The following ERLIN2 variants were observed in gnomAD, a reference collection of about 807,000 sequenced individuals.
The protein encoded by ERLIN2 is ER lipid raft associated 2.
ERLIN2 carries 22 observed loss-of-function variants against 41.5 expected under a neutral mutation model. That is an observed-to-expected ratio of 0.53 (90% CI 0.38 to 0.76). The LOEUF is 0.76. Ranked by LOEUF, ERLIN2 falls within the 30% of genes least tolerant of loss-of-function variation. The pLI, the probability that ERLIN2 is intolerant of heterozygous loss-of-function variation, is 0.00. For missense variants in ERLIN2, 247 were observed against 414.3 expected (o/e 0.60, Z 3.51); for synonymous variants, 149 against 150.9 (o/e 0.99, Z 0.09).
At position 37,754,488 on chromosome 8, in the gene ERLIN2, AG is replaced by A. The variant is rs1357951889; in HGVS notation, c.*374del. The A allele has an allele frequency of 3.0e-6, 1 of 334,204 alleles. No individual in the cohort carries two copies. The highest frequency in any genetic ancestry group is 2.1e-5 in the African/African-American group (1 of 46,620). 20.7% of individuals were successfully genotyped at this position (334,204 alleles called of 1,614,324 possible). ...TGATTTCCCTTACTTGGGAAAATGCAGTCCAGTGTTCTCACCTCTGCCTCCA... is the reference window on the plus strand; with the variant it reads ...TGATTTCCCTTACTTGGGAAAATGCATCCAGTGTTCTCACCTCTGCCTCCA... On this transcript the variant is annotated 3_prime_UTR_variant, in exon 12 of 12. Transcript: ENST00000519638.
chr8:37,745,002 C>T, intron 6 of ERLIN2: 1 of 602,310 alleles, frequency 1.7e-6, no homozygotes, highest in Non-Finnish European at 2.9e-6. Context: ...AACTATCATT[C>T]TATAATGAAG....
chr8:37,750,245 G>C (rs1803187246), intron 8 of ERLIN2, 150 bp from the exon 9 acceptor site: 1 of 696,290 alleles, frequency 1.4e-6, no homozygotes, highest in Admixed American at 2.1e-5. Flanking sequence ...GTCAACAACA[G>C]ATCAGCTTTT....
At position 37,743,142 on chromosome 8, in the gene ERLIN2, G is replaced by T. The variant is rs866120611; in HGVS notation, c.237-1213G>T. Among the ~76,000 whole-genome samples, 4 of 152,358 alleles carry T rather than the reference G, an allele frequency of 2.6e-5. No individual in the cohort carries two copies. In the South Asian group the frequency reaches 8.3e-4, roughly 32 times the overall value. ...AGTGGTTGTATTTAGAGGGATGCTGGATTGGACAGAGACTTACAAGAAACA... is the reference window on the plus strand; with the variant it reads ...AGTGGTTGTATTTAGAGGGATGCTGTATTGGACAGAGACTTACAAGAAACA... On this transcript the variant is annotated intron_variant, in intron 4 of 11. Coordinates refer to ENST00000519638, the MANE Select transcript of ERLIN2 (RefSeq NM_007175.8).
chr8:37,745,856 TCAAA>T, intron 6 of ERLIN2: 1 of 1,326,234 alleles, frequency 7.5e-7, no homozygotes, highest in South Asian at 2.0e-5. Context: ...CTTTTTAACC[TCAAA>T]CTAATAGAAT....
intron 6 of ERLIN2, 37 bp from the exon 7 acceptor site, chr8:37,749,522 T>TA (rs780695719): frequency 1.4e-5 from 20 of 1,480,818 alleles, no homozygotes; most frequent in Non-Finnish European, 1.8e-5. Flanking sequence ...CTAGAAAGTG[T>TA]AACAACTCCT....
intron 9 of ERLIN2, 92 bp from the exon 10 acceptor site, chr8:37,751,534 G>C (rs758725457): frequency 6.5e-6 from 7 of 1,080,816 alleles, no homozygotes; most frequent in Non-Finnish European, 9.9e-6. Context: ...CTCCAGACAA[G>C]CTGGCCCACC....
In ERLIN2 at chr8:37,754,436, A is replaced by G. The variant is rs1387295949; in HGVS notation, c.*321A>G. 1 of 375,920 alleles carries G rather than the reference A, an allele frequency of 2.7e-6. No homozygotes were observed. The highest frequency in any genetic ancestry group is 5.1e-6 in the Non-Finnish European group (1 of 196,286). The allele number at this position is 375,920 out of a possible 1,614,324, so 23.3% of individuals were successfully genotyped here. A position where few individuals can be genotyped will look rare whatever the true frequency, so the allele number is the denominator to read the frequency against. On this transcript the variant is annotated 3_prime_UTR_variant, in exon 12 of 12. Transcript: ENST00000519638. Reference sequence around the variant, plus strand: ...GATGCTGTCATTAAGGAGAGGGAGAAATGTAGAGTGTTACCTCCAACTCAT... The same window carrying G: ...GATGCTGTCATTAAGGAGAGGGAGAGATGTAGAGTGTTACCTCCAACTCAT...
rs797016916 is a variant in ERLIN2, at chr8:37,738,584, T to TA, written c.107+561dup. On this transcript the variant is annotated intron_variant, in intron 2 of 11. Transcript: ENST00000519638. ...AGACCCTATCTCTAAAAAAATAAAA[T>TA]AAAAAATAAAATTTTAATTGGCCGG... Among the ~76,000 whole-genome samples the TA allele has an allele frequency of 3.5e-4, 53 of 152,006 alleles. 1 individual carries two copies. The highest frequency in any genetic ancestry group is 1.3e-3 in the African/African-American group (52 of 41,460).
chr8:37,753,611 T>G, intron 11 of ERLIN2, 82 bp downstream of exon 11: 1 of 1,260,740 alleles, frequency 7.9e-7, no homozygotes, highest in Admixed American at 1.8e-5. Flanking sequence ...GTTGAGCGCC[T>G]GCCACCACCC....
Position 37,753,775 on chromosome 8 carries a change from C to G in ERLIN2, c.820-140C>G. 3 of 812,916 alleles carry G rather than the reference C, an allele frequency of 3.7e-6. No homozygotes were observed. In the South Asian group the frequency reaches 4.4e-5, roughly 12 times the overall value. 50.4% of individuals were successfully genotyped at this position (812,916 alleles called of 1,614,324 possible). Reference sequence around the variant, plus strand: ...ACCTATGCTCCAAGATCTGAGATGACTGTCTCTTACAGAAATGTAACAATG... The same window carrying G: ...ACCTATGCTCCAAGATCTGAGATGAGTGTCTCTTACAGAAATGTAACAATG... On this transcript the variant is annotated intron_variant, in intron 11 of 11. Coordinates refer to ENST00000519638, the MANE Select transcript of ERLIN2 (RefSeq NM_007175.8).
At chr8:37,736,904 C>T in intron 1 of ERLIN2, 1 of 985,880 alleles carries the variant, frequency 1.0e-6, no homozygotes, top group Non-Finnish European at 1.2e-6. Context: ...GGCGCTTGAC[C>T]CTCTCTCGGA....
intron 6 of ERLIN2, chr8:37,747,928 G>C (rs773345804): frequency 6.2e-7 from 1 of 1,614,160 alleles, no homozygotes; most frequent in Non-Finnish European, 8.5e-7. Context: ...CACATGGAGG[G>C]GCTTCTCGCC....
At chr8:37,743,998 G>A (rs1394735218) in intron 4 of ERLIN2, among the ~76,000 whole-genome samples, 1 of 152,168 alleles carries the variant, frequency 6.6e-6, no homozygotes, top group African/African-American at 2.4e-5. Flanking sequence ...ACATTCCACA[G>A]TAACCTTCTA....
At position 37,749,845 on chromosome 8, in the gene ERLIN2, G is replaced by A. The variant is rs1466047393; in HGVS notation, c.550G>A (p.Glu184Lys). ...ACCAGAGGCAATCCGCAGAAACTAC[G>A]AGTTGATGTGAGTATACCCTCCGCC... ...NIPEAIRRNY[E>K]LMESEKTKLL... The change falls in exon 8 of 12, where the codon GAG becomes AAG. Residue 184 changes from glutamate to lysine, a missense_variant. Around this residue, in one of 3 missense-constraint regions of ERLIN2, gnomAD observed 153 missense variants for 256.4 expected, o/e 0.60. Transcript: ENST00000519638. 1.9e-6 allele frequency: 3 copies of A among 1,613,958 alleles called. No homozygotes were observed. The highest frequency in any genetic ancestry group is 1.1e-5 in the South Asian group (1 of 91,072).
chr8:37,736,922 G>A (rs1802664558), intron 1 of ERLIN2: 4 of 985,864 alleles, frequency 4.1e-6, no homozygotes, highest in African/African-American at 1.7e-5. Context: ...GGAACGGGGC[G>A]GGGAAGGGGC....
chr8:37,747,863 A>G (rs1428113111), intron 6 of ERLIN2: 6 of 1,614,032 alleles, frequency 3.7e-6, no homozygotes, highest in Non-Finnish European at 5.1e-6. Context: ...CTCATGGGCA[A>G]TTTCTCTAAC....
In ERLIN2 at chr8:37,753,476, G is replaced by A; in HGVS notation, c.766G>A (p.Ala256Thr). 4.3e-6 allele frequency: 7 copies of A among 1,614,168 alleles called. No homozygotes were observed. Among genetic ancestry groups the A allele is most frequent in the Non-Finnish European group, 5.9e-6 (7 of 1,180,018 alleles). The change falls in exon 11 of 12, where the codon GCA (alanine) becomes ACA (threonine). Residue 256 changes from alanine (A) to threonine (T), a missense_variant. By Grantham distance (58) the Ala-to-Thr change is moderately conservative. This residue lies in a region of ERLIN2 where 153 missense variants were observed against 256.4 expected (regional missense o/e 0.60). Transcript: ENST00000519638. ...EDAAFLAREK[A>T]KADAECYTAM... ...TGCTGCATTTCTGGCCCGGGAGAAG[G>A]CAAAGGCAGATGCTGAGTGCTACAC...
At chr8:37,751,761 C>T (rs1351335491) in intron 10 of ERLIN2, 46 bp downstream of exon 10, 1 of 1,468,484 alleles carries the variant, frequency 6.8e-7, no homozygotes, top group African/African-American at 1.4e-5. Flanking sequence ...CAGACCCCGC[C>T]CTGTGGCCAG....
intron 11 of ERLIN2, 29 bp downstream of exon 11, chr8:37,753,558 G>C (rs1803280951): frequency 1.3e-6 from 2 of 1,597,690 alleles, no homozygotes; most frequent in Admixed American, 1.7e-5. Flanking sequence ...CTGATAAAAA[G>C]GAGTCTTTGG....
Sources: allele counts gnomAD v4.1 joint callset (sites outside exome capture counted in the v4.1 genomes callset), GRCh38; gene constraint gnomAD v4.1.1; regional missense constraint gnomAD v4.1.1; transcripts MANE v1.5; gene names NCBI Gene and HGNC (gene_info 2026-07-23, HGNC 2026-07-21).